SPATA13: variants seen among roughly 807,000 people sequenced by gnomAD.
SPATA13 encodes spermatogenesis-associated protein 13.
Under a neutral mutation model 104.0 loss-of-function variants are expected in SPATA13, and 50 were observed. The observed-to-expected ratio is 0.48, with a 90% CI of 0.38 to 0.61. The LOEUF (loss-of-function observed/expected upper bound fraction) is 0.61, where lower values mean the gene tolerates loss of function less well. Ranked by LOEUF, SPATA13 falls within the 20% of genes least tolerant of loss-of-function variation. The pLI, the probability that SPATA13 is intolerant of heterozygous loss-of-function variation, is 0.00. For synonymous variants in SPATA13, 606 were observed against 667.5 expected, an observed-to-expected ratio of 0.91 and a Z score of 1.42; for missense variants, 1,524 against 1,690.6, an observed-to-expected ratio of 0.90 and a Z score of 1.73.
chr13:24,174,303 C>G (rs1252891155), intron 1 of SPATA13, among the ~76,000 whole-genome samples: 1 of 151,924 alleles, frequency 6.6e-6, no homozygotes, highest in Non-Finnish European at 1.5e-5. Context: ...TTGATTTTTT[C>G]TATTGATATT....
intron 3 of SPATA13, among the ~76,000 whole-genome samples, chr13:24,138,764 T>TC (rs1166526782): frequency 6.7e-6 from 1 of 149,422 alleles, no homozygotes; most frequent in Non-Finnish European, 1.5e-5. Flanking sequence ...TTTTTTTTTT[T>TC]TTTTTTTTTT....
At chr13:24,183,442 T>G (rs1270132281) in intron 1 of SPATA13, among the ~76,000 whole-genome samples, 1 of 152,126 alleles carries the variant, frequency 6.6e-6, no homozygotes, top group Non-Finnish European at 1.5e-5. Flanking sequence ...TTGAAACGCT[T>G]TCTATGTTGT....
chr13:24,242,443 A>C (rs1178936701), intron 2 of SPATA13, among the ~76,000 whole-genome samples: 12 of 152,230 alleles, frequency 7.9e-5, no homozygotes, highest in Admixed American at 7.9e-4. Context: ...GCTATAACCT[A>C]TAAAGCCATT....
At chr13:24,093,915 A>T (rs9553167) in intron 3 of SPATA13, among the ~76,000 whole-genome samples, 4,910 of 151,438 alleles carry the variant, frequency 0.032, 213 homozygotes, top group African/African-American at 0.092. Context: ...CCTCAACTGT[A>T]ATCAGACTAT....
At chr13:24,277,755 C>A (rs1450250814) in intron 4 of SPATA13, among the ~76,000 whole-genome samples, 1 of 152,180 alleles carries the variant, frequency 6.6e-6, no homozygotes, top group Non-Finnish European at 1.5e-5. Context: ...AGACAAAAAT[C>A]AAACGTCTGT....
chr13:24,290,902 G>A lies in SPATA13; in HGVS notation c.3080+18G>A, dbSNP rs756152182. On this transcript the variant is annotated intron_variant, in intron 9 of 12. Coordinates refer to ENST00000382108, the MANE Select transcript of SPATA13 (RefSeq NM_001166271.3). ...GAACACGGGTGAGGGGCATGGGTAA[G>A]GGGCACAGGTGAGAGCACTGCTGCC... 1.1e-5 allele frequency: 17 copies of A among 1,603,730 alleles called. No homozygotes were observed. In the South Asian group the frequency reaches 1.4e-4, roughly 14 times the overall value.
Position 24,297,395 on chromosome 13 carries a change from G to C in SPATA13, c.3243G>C (p.Leu1081Phe). ...GLDILDRSSE[L>F]IHSGELTKIT... The stretch of plus-strand genomic sequence containing the variant: ...ATATCTTAGACCGAAGCTCAGAATT[G>C]ATTCATTCTGGGGAGCTGACCAAAA... Residue 1081 changes from leucine (L) to phenylalanine (F), a missense_variant, in exon 11 of 13, where the codon TTG becomes TTC. Physicochemically the swap from Leu to Phe is conservative, Grantham distance 22. Around this residue, in one of 2 missense-constraint regions of SPATA13, gnomAD observed 435 missense variants for 554.8 expected, o/e 0.78. Transcript: ENST00000382108. 4 of 1,613,100 alleles carry C rather than the reference G, an allele frequency of 2.5e-6. No homozygotes were observed. The highest frequency in any genetic ancestry group is 3.4e-6 in the Non-Finnish European group (4 of 1,179,448).
chr13:24,285,078 A>G (rs1253443566), intron 5 of SPATA13, among the ~76,000 whole-genome samples: 1 of 152,152 alleles, frequency 6.6e-6, no homozygotes, highest in Non-Finnish European at 1.5e-5. Flanking sequence ...CGTGTGGAGC[A>G]TAACTCCTTA....
At chr13:24,006,103 A>T (rs1593271374) in intron 2 of SPATA13, among the ~76,000 whole-genome samples, 1 of 152,220 alleles carries the variant, frequency 6.6e-6, no homozygotes, top group African/African-American at 2.4e-5. Flanking sequence ...CAGAGGAGAG[A>T]CAGCCACTTT....
intron 1 of SPATA13, among the ~76,000 whole-genome samples, chr13:24,167,498 A>T (rs1287159430): frequency 6.6e-6 from 1 of 152,210 alleles, no homozygotes; most frequent in Non-Finnish European, 1.5e-5. Context: ...GCAACCTGGC[A>T]CCATTTTCCT....
At chr13:24,018,016 A>G (rs1876794844) in intron 3 of SPATA13, among the ~76,000 whole-genome samples, 1 of 152,234 alleles carries the variant, frequency 6.6e-6, no homozygotes, top group Admixed American at 6.5e-5. Context: ...AGTGTGGCCA[A>G]TCCATTTATA....
intron 3 of SPATA13, chr13:24,017,760 C>G: frequency 1.1e-6 from 1 of 934,448 alleles, no homozygotes; most frequent in Non-Finnish European, 1.3e-6. Context: ...TCCTTTAAAT[C>G]CTACCTCCAT....
At chr13:24,071,969 G>A (rs1274088307) in intron 3 of SPATA13, among the ~76,000 whole-genome samples, 1 of 152,134 alleles carries the variant, frequency 6.6e-6, no homozygotes, top group East Asian at 1.9e-4. Flanking sequence ...TGGTGGTGTT[G>A]GCATAAAGAT....
intron 1 of SPATA13, among the ~76,000 whole-genome samples, chr13:24,182,927 ACAGCAGGGCCTTGGTGCC>A (rs1167511022): frequency 1.3e-5 from 2 of 152,196 alleles, no homozygotes; most frequent in Non-Finnish European, 2.9e-5. Flanking sequence ...CCGAGGGCTC[ACAGCAGGGCCTTGGTGCC>A]CAGGGTGGCT....
intron 3 of SPATA13, among the ~76,000 whole-genome samples, chr13:24,078,642 C>G (rs1006878790): frequency 6.6e-6 from 1 of 152,196 alleles, no homozygotes; most frequent in East Asian, 1.9e-4. Context: ...GTCTAGATCT[C>G]CATTTCCCAG....
At position 24,251,796 on chromosome 13, in the gene SPATA13, T is replaced by C. The variant is rs1873500882; in HGVS notation, c.2098T>C (p.Phe700Leu). The C allele has an allele frequency of 1.1e-5, 18 of 1,614,164 alleles. No individual in the cohort carries two copies. The highest frequency in any genetic ancestry group is 1.5e-5 in the Non-Finnish European group (18 of 1,179,992). Residue 700 changes from phenylalanine (F) to leucine (L), a missense_variant, in exon 4 of 13, where the codon TTC (phenylalanine) becomes CTC (leucine). By Grantham distance (22) the Phe-to-Leu change is conservative. This residue lies in a region of SPATA13 where 1,089 missense variants were observed against 1,135.9 expected (regional missense o/e 0.96). Coordinates refer to ENST00000382108, the MANE Select transcript of SPATA13 (RefSeq NM_001166271.3). ...AVSARFRPFT[F>L]SQSTPIGLDR... ...GTCGGCCCGGTTCCGGCCCTTCACATTCTCCCAGAGCACCCCCATTGGGTT... is the reference window on the plus strand; with the variant it reads ...GTCGGCCCGGTTCCGGCCCTTCACACTCTCCCAGAGCACCCCCATTGGGTT...
At chr13:24,076,713 C>T (rs753383604) in intron 3 of SPATA13, among the ~76,000 whole-genome samples, 6 of 151,516 alleles carry the variant, frequency 4.0e-5, no homozygotes, top group East Asian at 1.9e-4. Context: ...AGGAAGGATC[C>T]GCTCACAAGA....
chr13:24,267,999 C>T (rs1415817766), intron 4 of SPATA13, among the ~76,000 whole-genome samples: 3 of 152,244 alleles, frequency 2.0e-5, no homozygotes, highest in African/African-American at 7.2e-5. Context: ...GAATTTCTCA[C>T]CAGCTCCCAG....
At position 24,194,934 on chromosome 13, in the gene SPATA13, A is replaced by G. The variant is rs887248050; in HGVS notation, c.-111-27885A>G. ...ACTAAATTCATGGGAAGTGGACGAT[A>G]CAACTTTTTAAGCTTTATTAAGATA... On this transcript the variant is annotated intron_variant, in intron 1 of 12. Coordinates refer to ENST00000382108, the MANE Select transcript of SPATA13 (RefSeq NM_001166271.3). 2.0e-5 allele frequency among the ~76,000 whole-genome samples: 3 copies of G among 152,354 alleles called. No individual in the cohort carries two copies. In the East Asian group the frequency reaches 5.8e-4, roughly 29 times the overall value.
Sources: allele counts gnomAD v4.1 joint callset (sites outside exome capture counted in the v4.1 genomes callset), GRCh38; gene constraint gnomAD v4.1.1; regional missense constraint gnomAD v4.1.1; transcripts MANE v1.5; gene names NCBI Gene and HGNC (gene_info 2026-07-23, HGNC 2026-07-21).